Variants in ZNF385A observed in about 807,000 individuals in gnomAD.
ZNF385A encodes the protein hematopoietic zinc finger protein.
A neutral mutation model predicts 32.1 loss-of-function variants in ZNF385A; 14 were observed. The observed-to-expected ratio is 0.44, with a 90% CI of 0.29 to 0.68. The LOEUF (loss-of-function observed/expected upper bound fraction) is 0.68. Ranked by LOEUF, ZNF385A falls within the 30% of genes least tolerant of loss-of-function variation. The probability of loss-of-function intolerance (pLI) is 0.14; values close to 1 mark genes in which losing one functional copy is unlikely to be tolerated. For synonymous variants in ZNF385A, 197 were observed against 202.7 expected, an observed-to-expected ratio of 0.97 and a Z score of 0.24; for missense variants, 406 against 478.4, an observed-to-expected ratio of 0.85 and a Z score of 1.41.
intron 1 of ZNF385A, among the ~76,000 whole-genome samples, chr12:54,381,843 C>A (rs1205953792): frequency 6.6e-6 from 1 of 152,154 alleles, no homozygotes; most frequent in Non-Finnish European, 1.5e-5. Context: ...GTCCCTTAGG[C>A]CCCATCACAT....
At chr12:54,385,833 C>T (rs1238380436), upstream of ZNF385A, 1 of 188,830 alleles carries the variant, frequency 5.3e-6, no homozygotes, top group African/African-American at 2.4e-5. Flanking sequence ...CAATCAGAAT[C>T]CTGGAAAAGT....
rs1449407333 is a variant in ZNF385A, at chr12:54,370,945, C to T, written c.756G>A (p.Ser252=). The T allele has an allele frequency of 6.8e-6, 11 of 1,614,090 alleles. No homozygotes were observed. The highest frequency in any genetic ancestry group is 1.3e-5 in the African/African-American group (1 of 74,934). ...HCEICNVKVN[S]EVQLKQHISS... is the part of the protein sequence containing the mutation. Reference sequence around the variant, plus strand: ...GACCCACCTGTTTCAGTTGGACCTCCGAGTTGACCTTGACATTGCAGATCT... The same window carrying T: ...GACCCACCTGTTTCAGTTGGACCTCTGAGTTGACCTTGACATTGCAGATCT... The change falls in exon 5 of 7, where the codon TCG becomes TCA. Residue 252 remains serine (S), a synonymous_variant. Transcript: ENST00000394313. This position sits in a 1 kb window ranked among gnomAD's most constrained non-coding sequence, Gnocchi z 5.5.
At chr12:54,390,397 G>A (rs1041771104) in intron 1 of ZNF385A, among the ~76,000 whole-genome samples, 1 of 152,030 alleles carries the variant, frequency 6.6e-6, no homozygotes, top group Admixed American at 6.6e-5. Context: ...TGTGGCTGAC[G>A]GGCTGTCAGA....
chr12:54,385,777 CT>C (rs1399364630), upstream of ZNF385A: 2 of 488,832 alleles, frequency 4.1e-6, no homozygotes, highest in Non-Finnish European at 5.3e-6. Context: ...CCTCTGCCCC[CT>C]CCCTTGCCAG....
rs751934638 is a variant in ZNF385A at position 54,375,828 on chromosome 12, C to A, written c.198+16G>T. 2 of 1,612,102 alleles carry A rather than the reference C, an allele frequency of 1.2e-6. No homozygotes were observed. The highest frequency in any genetic ancestry group is 1.7e-6 in the Non-Finnish European group (2 of 1,178,180). On this transcript the variant is annotated intron_variant, in intron 2 of 6. Transcript: ENST00000394313. ...CTGCCCCACCCACTGGGTAGATGAG[C>A]AGCTTGGCTTCTTACCTGAGAATTG...
At chr12:54,387,693 A>T (rs1955530882), upstream of ZNF385A, among the ~76,000 whole-genome samples, 2 of 152,236 alleles carry the variant, frequency 1.3e-5, no homozygotes, top group Admixed American at 1.3e-4. Flanking sequence ...GACAGGATTG[A>T]ACAAATCCAT....
chr12:54,382,036 G>A (rs1328027252), intron 1 of ZNF385A, among the ~76,000 whole-genome samples: 1 of 151,566 alleles, frequency 6.6e-6, no homozygotes, highest in Non-Finnish European at 1.5e-5. Flanking sequence ...CACATAGTAG[G>A]TGCTCAAAAA....
At chr12:54,386,590 A>G (rs1173394659), upstream of ZNF385A, among the ~76,000 whole-genome samples, 1 of 152,072 alleles carries the variant, frequency 6.6e-6, no homozygotes, top group Non-Finnish European at 1.5e-5. Flanking sequence ...AATGAGCCCC[A>G]GGCGGCATCA....
At chr12:54,384,401 G>A (rs746984148) in intron 1 of ZNF385A, 27 bp downstream of exon 1, 2 of 1,560,168 alleles carry the variant, frequency 1.3e-6, no homozygotes, top group South Asian at 1.2e-5. Flanking sequence ...ACAAGAGGAT[G>A]GAGAAGGCAG....
chr12:54,371,376 G>C, intron 4 of ZNF385A, 97 bp downstream of exon 4: 1 of 1,489,892 alleles, frequency 6.7e-7, no homozygotes, highest in Non-Finnish European at 9.0e-7. Flanking sequence ...ATAGGTCTTA[G>C]ATGGTCTAGG....
intron 1 of ZNF385A, among the ~76,000 whole-genome samples, chr12:54,377,730 A>G (rs896798022): frequency 6.6e-6 from 1 of 152,118 alleles, no homozygotes; most frequent in Non-Finnish European, 1.5e-5. Flanking sequence ...TCCTATTTAG[A>G]GACCCCCAAC....
In ZNF385A at chr12:54,370,072, C is replaced by T; in HGVS notation, c.*184G>A. The T allele has an allele frequency of 4.2e-6, 2 of 480,548 alleles. No homozygotes were observed. The highest frequency in any genetic ancestry group is 3.4e-5 in the East Asian group (1 of 29,090). 29.8% of individuals were successfully genotyped at this position (480,548 alleles called of 1,614,324 possible). A position where few individuals can be genotyped will look rare whatever the true frequency, so the allele number is the denominator to read the frequency against. On this transcript the variant is annotated 3_prime_UTR_variant, in exon 7 of 7. Transcript: ENST00000394313. This position sits in a 1 kb window ranked among gnomAD's most constrained non-coding sequence, Gnocchi z 5.5. ...GGGGTTCCCTGAGATCTGGGGTGTT[C>T]CCCCCCTTCTGAAGCCCCCCTCCCC...
intron 3 of ZNF385A, 149 bp from the exon 4 acceptor site, chr12:54,371,864 G>C: frequency 1.7e-6 from 2 of 1,185,178 alleles, no homozygotes; most frequent in Non-Finnish European, 2.3e-6. Flanking sequence ...CCCTGGTCCA[G>C]AGCCAGATGT....
chr12:54,382,050 T>A (rs1881932), intron 1 of ZNF385A, among the ~76,000 whole-genome samples: 2,956 of 150,138 alleles, frequency 0.02, 90 homozygotes, highest in African/African-American at 0.067. Context: ...TCAAAAAAAA[T>A]TTTTTTTTTG....
At position 54,370,306 on chromosome 12, in the gene ZNF385A, G is replaced by A; in HGVS notation, c.1051C>T (p.Pro351Ser). The A allele has an allele frequency of 6.7e-7, 1 of 1,490,100 alleles. No individual in the cohort carries two copies. Among genetic ancestry groups the A allele is most frequent in the Non-Finnish European group, 8.9e-7 (1 of 1,119,396 alleles). The allele number at this position is 1,490,100 out of a possible 1,614,324, so 92.3% of individuals were successfully genotyped here. A position where few individuals can be genotyped will look rare whatever the true frequency, so the allele number is the denominator to read the frequency against. The change falls in exon 7 of 7, where the codon CCC becomes TCC. Residue 351 changes from proline (P) to serine (S), a missense_variant. Pro to Ser is a moderately conservative substitution (Grantham distance 74, BLOSUM62 -1). Coordinates refer to ENST00000394313, the MANE Select transcript of ZNF385A (RefSeq NM_015481.3). The surrounding 1 kb of genome is among the most constrained non-coding windows in gnomAD (Gnocchi z 5.5). ...PITHPLLHPA[P>S]GPIRTAHGPI... ...CCGTGCGCAGTTCGGATGGGTCCGG[G>A]GGCCGGGTGAAGCAGAGGGTGAGTG... is the stretch of plus-strand genomic sequence containing the variant.
chr12:54,383,671 G>A (rs1365103475), intron 1 of ZNF385A, among the ~76,000 whole-genome samples: 2 of 152,174 alleles, frequency 1.3e-5, no homozygotes, highest in Non-Finnish European at 2.9e-5. Context: ...GAGGCAGGCG[G>A]ATCACCTGAG....
At position 54,371,679 on chromosome 12, in the gene ZNF385A, G is replaced by C; in HGVS notation, c.398C>G (p.Ser133Cys). Reference protein sequence around the residue: ...MENGLGPAPGSPEKQPGSPSP... With the variant: ...MENGLGPAPGCPEKQPGSPSP... ...TGGGGAGCCAGGCTGTTTCTCTGGGGATCCTGGGGCTGGCCCCAGTCCATT... is the reference window on the plus strand; with the variant it reads ...TGGGGAGCCAGGCTGTTTCTCTGGGCATCCTGGGGCTGGCCCCAGTCCATT... Residue 133 changes from serine (S) to cysteine (C), a missense_variant, in exon 4 of 7, where the codon TCC becomes TGC. Ser to Cys is a moderately radical substitution (Grantham distance 112). Transcript: ENST00000394313. 1 of 1,610,946 alleles carries C rather than the reference G, an allele frequency of 6.2e-7. No homozygotes were observed. Among genetic ancestry groups the C allele is most frequent in the Non-Finnish European group, 8.5e-7 (1 of 1,178,958 alleles).
At chr12:54,388,534 A>C (rs1168176380), upstream of ZNF385A, among the ~76,000 whole-genome samples, 1 of 152,218 alleles carries the variant, frequency 6.6e-6, no homozygotes, top group East Asian at 1.9e-4. Flanking sequence ...GAGCCAGGAA[A>C]GGTGTTAGTA....
At chr12:54,385,615 G>C, upstream of ZNF385A, 3 of 985,040 alleles carry the variant, frequency 3.0e-6, no homozygotes, top group Non-Finnish European at 3.6e-6. Context: ...GACTTTACTA[G>C]AGCAGAAGGT....
Sources: allele counts gnomAD v4.1 joint callset (sites outside exome capture counted in the v4.1 genomes callset), GRCh38; gene constraint gnomAD v4.1.1; non-coding constraint Gnocchi (gnomAD v3.1); transcripts MANE v1.5; gene names NCBI Gene and HGNC (gene_info 2026-07-23, HGNC 2026-07-21).